Variants in PTPRT observed in about 807,000 individuals in gnomAD.
PTPRT encodes the protein receptor-type tyrosine-protein phosphatase T.
Under a neutral mutation model 176.8 loss-of-function variants are expected in PTPRT, and 56 were observed. That is an observed-to-expected ratio of 0.32 (90% CI 0.26 to 0.40). The LOEUF is 0.40. PTPRT is among the 10% of genes least tolerant of loss of function. The pLI, the probability that PTPRT is intolerant of heterozygous loss-of-function variation, is 1.00. For missense variants in PTPRT, 1,540 were observed against 1,908.2 expected, an observed-to-expected ratio of 0.81 and a Z score of 3.60; for synonymous variants, 783 against 739.0, an observed-to-expected ratio of 1.06 and a Z score of -0.96.
chr20:42,035,214 G>T, the PTPRT span, among the ~76,000 whole-genome samples: 1 of 151,994 alleles, frequency 6.6e-6, no homozygotes, highest in African/African-American at 2.4e-5. Context: ...CTGATCATCA[G>T]GTCTCAGTCC....
chr20:42,052,323 G>C, the PTPRT span, among the ~76,000 whole-genome samples: 9 of 152,232 alleles, frequency 5.9e-5, no homozygotes, highest in Non-Finnish European at 1.3e-4. Context: ...CCAGGCCCCA[G>C]AGTGTGGCTG....
At chr20:42,630,670 C>T (rs1230570242) in intron 7 of PTPRT, among the ~76,000 whole-genome samples, 2 of 152,138 alleles carry the variant, frequency 1.3e-5, no homozygotes, top group African/African-American at 4.8e-5. Flanking sequence ...TAAAATCATA[C>T]ATTATTTATC....
chr20:43,149,158 G>A (rs2014264318), intron 1 of PTPRT, among the ~76,000 whole-genome samples: 2 of 152,042 alleles, frequency 1.3e-5, no homozygotes, highest in Non-Finnish European at 2.9e-5. Flanking sequence ...TTTTAAATGT[G>A]GTATGTTTCT....
At chr20:42,033,260 T>C in the PTPRT span, among the ~76,000 whole-genome samples, 1 of 152,224 alleles carries the variant, frequency 6.6e-6, no homozygotes, top group Non-Finnish European at 1.5e-5. Context: ...TTTAAGTCTA[T>C]AAATTCGGCA....
chr20:42,342,618 A>T (rs6030158), intron 11 of PTPRT, among the ~76,000 whole-genome samples: 144 of 152,318 alleles, frequency 9.5e-4, no homozygotes, highest in African/African-American at 3.3e-3. Flanking sequence ...CCCTGTGTCA[A>T]TAAATCCTCT....
At chr20:42,144,773 C>T (rs1307900548) in intron 17 of PTPRT, among the ~76,000 whole-genome samples, 1 of 152,218 alleles carries the variant, frequency 6.6e-6, no homozygotes. Flanking sequence ...TCAGTCTACA[C>T]AGCTCTCTGT....
chr20:42,847,519 A>G (rs1338158319), intron 2 of PTPRT, among the ~76,000 whole-genome samples: 1 of 152,202 alleles, frequency 6.6e-6, no homozygotes, highest in Non-Finnish European at 1.5e-5. Flanking sequence ...ACAGCTCTCA[A>G]TCTGCCCAGG....
chr20:42,739,753 TA>T (rs2076580986), intron 6 of PTPRT, among the ~76,000 whole-genome samples: 1 of 152,212 alleles, frequency 6.6e-6, no homozygotes, highest in Admixed American at 6.5e-5. Flanking sequence ...CATTGTTATT[TA>T]AGCCTGAAAG....
At chr20:42,951,185 C>T (rs1981218763) in intron 1 of PTPRT, among the ~76,000 whole-genome samples, 2 of 151,926 alleles carry the variant, frequency 1.3e-5, no homozygotes, top group South Asian at 2.1e-4. Flanking sequence ...GATGGGTAAA[C>T]AGGAGATGGA....
At chr20:42,083,453 C>T (rs1983560618) in intron 29 of PTPRT, among the ~76,000 whole-genome samples, 2 of 152,220 alleles carry the variant, frequency 1.3e-5, no homozygotes, top group Admixed American at 6.5e-5. Context: ...GGACACTACG[C>T]AGCATCTTCC....
At chr20:42,529,882 T>C (rs2072350776) in intron 7 of PTPRT, among the ~76,000 whole-genome samples, 2 of 151,278 alleles carry the variant, frequency 1.3e-5, no homozygotes, top group East Asian at 3.9e-4. Context: ...AAAGACTTGA[T>C]GGTTTTGTCC....
At chr20:43,020,651 T>C (rs773237855) in intron 1 of PTPRT, among the ~76,000 whole-genome samples, 1 of 152,126 alleles carries the variant, frequency 6.6e-6, no homozygotes, top group Non-Finnish European at 1.5e-5. Flanking sequence ...CGGCCTGCCC[T>C]AAGCATGCTG....
chr20:42,298,923 AAAAACAAAAC>A (rs775264813), intron 12 of PTPRT, among the ~76,000 whole-genome samples: 1 of 152,174 alleles, frequency 6.6e-6, no homozygotes, highest in East Asian at 1.9e-4. Flanking sequence ...TCTGTCTCAA[AAAAACAAAAC>A]AAAACAAAAC....
chr20:42,157,788 G>A (rs935038940), intron 17 of PTPRT, among the ~76,000 whole-genome samples: 1 of 152,206 alleles, frequency 6.6e-6, no homozygotes, highest in East Asian at 1.9e-4. Context: ...TGATACCCAA[G>A]TTTGGGCCAC....
intron 12 of PTPRT, among the ~76,000 whole-genome samples, chr20:42,309,722 T>G (rs767832874): frequency 6.6e-6 from 1 of 152,216 alleles, no homozygotes; most frequent in Non-Finnish European, 1.5e-5. Context: ...AGTCTCATTC[T>G]TTCATTAATC....
intron 7 of PTPRT, among the ~76,000 whole-genome samples, chr20:42,652,463 G>C (rs186738766): frequency 1.3e-5 from 2 of 152,140 alleles, no homozygotes; most frequent in African/African-American, 4.8e-5. Flanking sequence ...TTTCCAGCCT[G>C]CATCTGGTTA....
chr20:42,987,474 C>G (rs1208642509), intron 1 of PTPRT, among the ~76,000 whole-genome samples: 1 of 152,204 alleles, frequency 6.6e-6, no homozygotes, highest in Non-Finnish European at 1.5e-5. Flanking sequence ...AATCCCAACC[C>G]CTCATGGGGC....
intron 1 of PTPRT, among the ~76,000 whole-genome samples, chr20:43,163,941 C>T (rs1041820494): frequency 6.6e-6 from 1 of 152,140 alleles, no homozygotes; most frequent in Non-Finnish European, 1.5e-5. Flanking sequence ...CAGATCCTTG[C>T]GTGCTATAAG....
rs58932390 is a variant in PTPRT at position 42,409,481 on chromosome 20, C to CAAAAA, written c.1560+38734_1560+38738dup. Among the ~76,000 whole-genome samples the CAAAAA allele has an allele frequency of 8.0e-5, 9 of 112,170 alleles. 1 individual carries two copies. The highest frequency in any genetic ancestry group is 3.3e-4 in the African/African-American group (9 of 27,468). 73.6% of individuals were successfully genotyped at this position (112,170 alleles called of 152,430 possible). A position where few individuals can be genotyped will look rare whatever the true frequency, so the allele number is the denominator to read the frequency against. ...TGGGCAACAGAACGAGACTCTGTCG[C>CAAAAA]AAAAAAAAAAAAAAAAAAAAAAAAA... is the stretch of plus-strand genomic sequence containing the variant. On this transcript the variant is annotated intron_variant, in intron 9 of 30. Transcript: ENST00000373187.
Sources: gnomAD v4.1 joint callset for allele counts (sites outside exome capture counted in the v4.1 genomes callset) on GRCh38, gnomAD v4.1.1 for gene constraint, MANE v1.5 for transcripts, NCBI Gene and HGNC (gene_info 2026-07-23, HGNC 2026-07-21) for gene names.